Variants in PARVA observed in about 807,000 individuals in gnomAD.
The protein encoded by PARVA is alpha-parvin.
In PARVA, 25 loss-of-function variants were observed where a neutral mutation model predicts 52.6. That is an observed-to-expected ratio of 0.48 (90% CI 0.35 to 0.66). PARVA has a LOEUF of 0.66. Ranked by LOEUF, PARVA falls within the 30% of genes least tolerant of loss-of-function variation. The pLI, the probability that PARVA is intolerant of heterozygous loss-of-function variation, is 0.01. For missense variants in PARVA, 373 were observed against 450.9 expected, an observed-to-expected ratio of 0.83 and a Z score of 1.56; for synonymous variants, 185 against 179.1, an observed-to-expected ratio of 1.03 and a Z score of -0.26.
At chr11:12,435,737 A>C (rs945984203) in intron 1 of PARVA, among the ~76,000 whole-genome samples, 1 of 151,970 alleles carries the variant, frequency 6.6e-6, no homozygotes, top group Non-Finnish European at 1.5e-5. Flanking sequence ...TCTCCTCTCA[A>C]CAGTTGTCTG....
At chr11:12,514,497 T>TC in intron 10 of PARVA, among the ~76,000 whole-genome samples, 1 of 152,232 alleles carries the variant, frequency 6.6e-6, no homozygotes, top group Non-Finnish European at 1.5e-5. Flanking sequence ...TGTTTTGTTT[T>TC]GTTTTTTGAG....
intron 1 of PARVA, among the ~76,000 whole-genome samples, chr11:12,467,635 C>T (rs1447820983): frequency 6.6e-6 from 1 of 152,136 alleles, no homozygotes; most frequent in African/African-American, 2.4e-5. Flanking sequence ...TCTGTATAGG[C>T]CCTGGAACTA....
chr11:12,473,640 A>G, intron 1 of PARVA, 105 bp from the exon 2 acceptor site: 1 of 807,564 alleles, frequency 1.2e-6, no homozygotes, highest in Non-Finnish European at 2.1e-6. Flanking sequence ...ATCTACCCTT[A>G]GTGGGTTTTT....
At chr11:12,408,553 C>T (rs531667332) in intron 1 of PARVA, among the ~76,000 whole-genome samples, 3 of 152,308 alleles carry the variant, frequency 2.0e-5, no homozygotes, top group Admixed American at 2.0e-4. Context: ...CCTTCGGAGG[C>T]TGGGGTGTAG....
chr11:12,508,493 C>T, intron 6 of PARVA, 91 bp from the exon 7 acceptor site: 6 of 911,296 alleles, frequency 6.6e-6, no homozygotes, highest in Middle Eastern at 2.1e-4. Flanking sequence ...GTAACTTTCT[C>T]ATTATCAGGA....
At chr11:12,410,102 A>G (rs1003452772) in intron 1 of PARVA, among the ~76,000 whole-genome samples, 38 of 152,244 alleles carry the variant, frequency 2.5e-4, no homozygotes, top group African/African-American at 8.9e-4. Context: ...AGTGACTCCC[A>G]CTTTTAATTG....
At chr11:12,417,570 C>A (rs1940085353) in intron 1 of PARVA, among the ~76,000 whole-genome samples, 1 of 152,040 alleles carries the variant, frequency 6.6e-6, no homozygotes, top group South Asian at 2.1e-4. Context: ...CTAATTTCTA[C>A]CATGAATATG....
At chr11:12,423,351 GTTTTTT>G (rs869105706) in intron 1 of PARVA, among the ~76,000 whole-genome samples, 1 of 104,716 alleles carries the variant, frequency 9.5e-6, no homozygotes. Context: ...GCTAATTTTT[GTTTTTT>G]TTTTTTTTTT....
chr11:12,438,477 C>T (rs970354181), intron 1 of PARVA, among the ~76,000 whole-genome samples: 1 of 152,098 alleles, frequency 6.6e-6, no homozygotes, highest in African/African-American at 2.4e-5. Flanking sequence ...TCCACTCCTG[C>T]AATAATGGCA....
chr11:12,479,738 C>A (rs570658245), intron 4 of PARVA: 1 of 151,924 alleles, frequency 6.6e-6, no homozygotes, highest in Non-Finnish European at 1.5e-5. Flanking sequence ...TAGATATAAA[C>A]GTGTACACAC....
rs767025977 is a variant in PARVA, at chr11:12,474,002, C to T, written c.297+19C>T. Reference sequence around the variant, plus strand: ...GATGAAGGTAAGAAGAAATCAGGAGCGGCTTCAGGTGCCTCACTGACCCAC... The same window carrying T: ...GATGAAGGTAAGAAGAAATCAGGAGTGGCTTCAGGTGCCTCACTGACCCAC... On this transcript the variant is annotated intron_variant, in intron 3 of 12. Coordinates refer to ENST00000334956, the MANE Select transcript of PARVA (RefSeq NM_018222.5). The T allele has an allele frequency of 2.4e-5, 37 of 1,556,256 alleles. No individual in the cohort carries two copies. Among genetic ancestry groups the T allele is most frequent in the Middle Eastern group, 1.7e-4 (1 of 6,014 alleles).
rs180791225 is a variant in PARVA at position 12,532,345 on chromosome 11, C to T, written c.*4420C>T. Among the ~76,000 whole-genome samples, 6 of 152,276 alleles carry T rather than the reference C, an allele frequency of 3.9e-5. No individual in the cohort carries two copies. Among genetic ancestry groups the T allele is most frequent in the East Asian group, 1.9e-4 (1 of 5,182 alleles). On this transcript the variant is annotated 3_prime_UTR_variant, in exon 13 of 13. Coordinates refer to ENST00000334956, the MANE Select transcript of PARVA (RefSeq NM_018222.5). ...GACGCTTTTTGTTTTCTAGTTGGAG[C>T]GCACCTCAGAGTCCCCTACATAATG...
intron 1 of PARVA, among the ~76,000 whole-genome samples, chr11:12,404,895 T>C (rs1454374479): frequency 6.6e-6 from 1 of 152,186 alleles, no homozygotes; most frequent in Non-Finnish European, 1.5e-5. Context: ...AACCCTGTAA[T>C]GTAATTGACA....
chr11:12,422,290 T>G (rs1040315594), intron 1 of PARVA, among the ~76,000 whole-genome samples: 2 of 152,240 alleles, frequency 1.3e-5, no homozygotes, highest in African/African-American at 4.8e-5. Context: ...TTAGAAACAT[T>G]GCTTACATTG....
chr11:12,394,787 C>T (rs539986691), intron 1 of PARVA, among the ~76,000 whole-genome samples: 1 of 152,304 alleles, frequency 6.6e-6, no homozygotes, highest in South Asian at 2.1e-4. Flanking sequence ...CTACGGAATC[C>T]ACCTATATGA....
chr11:12,458,541 T>C (rs1382289484), intron 1 of PARVA, among the ~76,000 whole-genome samples: 1 of 151,600 alleles, frequency 6.6e-6, no homozygotes, highest in Admixed American at 6.6e-5. Flanking sequence ...GAAAAGAGCA[T>C]GTTCTGTTCC....
At chr11:12,484,362 A>G (rs1468010586) in intron 4 of PARVA, among the ~76,000 whole-genome samples, 1 of 152,174 alleles carries the variant, frequency 6.6e-6, no homozygotes, top group Non-Finnish European at 1.5e-5. Flanking sequence ...GCCTATTTTC[A>G]GAGATGAGAG....
intron 6 of PARVA, 37 bp from the exon 7 acceptor site, chr11:12,508,547 C>G (rs771849582): frequency 6.8e-7 from 1 of 1,475,134 alleles, no homozygotes; most frequent in East Asian, 2.3e-5. Context: ...ATAGTTTTCT[C>G]TTCTCCTCCC....
At chr11:12,416,164 GAAT>G (rs1267227889) in intron 1 of PARVA, among the ~76,000 whole-genome samples, 1 of 152,180 alleles carries the variant, frequency 6.6e-6, no homozygotes, top group East Asian at 1.9e-4. Context: ...TTCATCCGTA[GAAT>G]AATTTTGGCC....
Sources: allele counts gnomAD v4.1 joint callset (sites outside exome capture counted in the v4.1 genomes callset), GRCh38; gene constraint gnomAD v4.1.1; transcripts MANE v1.5; gene names NCBI Gene and HGNC (gene_info 2026-07-23, HGNC 2026-07-21).